Variants in HSD17B12 observed in about 807,000 individuals in gnomAD.
The protein encoded by HSD17B12 is very-long-chain 3-oxoacyl-CoA reductase.
A neutral mutation model predicts 39.3 loss-of-function variants in HSD17B12; 32 were observed. The ratio of observed to expected loss-of-function variants is 0.81; its 90% CI spans 0.61 to 1.09. The LOEUF is 1.09. HSD17B12 is among the 50% of genes least tolerant of loss of function. The pLI is 0.00. For missense variants in HSD17B12, 342 were observed against 382.9 expected, an observed-to-expected ratio of 0.89 and a Z score of 0.89; for synonymous variants, 150 against 146.7, an observed-to-expected ratio of 1.02 and a Z score of -0.16.
At chr11:43,828,067 A>C (rs1372952515) in intron 6 of HSD17B12, among the ~76,000 whole-genome samples, 2 of 151,870 alleles carry the variant, frequency 1.3e-5, no homozygotes, top group Non-Finnish European at 2.9e-5. Context: ...AAGAGGAAAC[A>C]CTTTCCCTGC....
At chr11:43,854,601 T>C (rs1421671270) in intron 9 of HSD17B12, 114 bp from the exon 10 acceptor site, 1 of 1,160,476 alleles carries the variant, frequency 8.6e-7, no homozygotes, top group Non-Finnish European at 1.2e-6. Flanking sequence ...CTTCTCTCTC[T>C]GTAAAGATAC....
the HSD17B12 span, among the ~76,000 whole-genome samples, chr11:43,565,423 T>C: frequency 4.6e-3 from 694 of 152,302 alleles, 6 homozygotes; most frequent in African/African-American, 0.015. Flanking sequence ...ATGTGAGCTA[T>C]ACAGCCTCTG....
chr11:43,794,738 C>T (rs1301595760), intron 3 of HSD17B12, among the ~76,000 whole-genome samples: 1 of 152,210 alleles, frequency 6.6e-6, no homozygotes, highest in East Asian at 1.9e-4. Flanking sequence ...ACAATTAGGG[C>T]AACATGAGTT....
rs1951306685 is a variant in HSD17B12 at position 43,831,182 on chromosome 11, G to A, written c.536+172G>A. On this transcript the variant is annotated intron_variant, in intron 7 of 10. Coordinates refer to ENST00000278353, the MANE Select transcript of HSD17B12 (RefSeq NM_016142.3). This position sits in a 1 kb window ranked among gnomAD's most constrained non-coding sequence, Gnocchi z 4.1. ...CAGTAGAGCATGAGTCATCGGTGGT[G>A]GAGGCCTTTTCCACTCGATTCCCTT... 2 of 477,586 alleles carry A rather than the reference G, an allele frequency of 4.2e-6. No homozygotes were observed. The highest frequency in any genetic ancestry group is 7.4e-6 in the Non-Finnish European group (2 of 271,036). 29.6% of individuals were successfully genotyped at this position (477,586 alleles called of 1,614,324 possible).
chr11:43,589,615 T>A, the HSD17B12 span, among the ~76,000 whole-genome samples: 1 of 152,210 alleles, frequency 6.6e-6, no homozygotes, highest in African/African-American at 2.4e-5. Flanking sequence ...TTCCACTTGG[T>A]GACTTTTCCT....
the HSD17B12 span, among the ~76,000 whole-genome samples, chr11:43,573,424 A>G: frequency 2.6e-5 from 4 of 152,158 alleles, no homozygotes; most frequent in African/African-American, 9.7e-5. Context: ...TACTGGAGCA[A>G]GACAGAAACA....
chr11:43,854,594 C>G (rs1226799658), intron 9 of HSD17B12, 121 bp from the exon 10 acceptor site: 19 of 1,081,538 alleles, frequency 1.8e-5, no homozygotes, highest in Non-Finnish European at 2.4e-5. Flanking sequence ...CTCTTTTCTT[C>G]TCTCTCTGTA....
At chr11:43,591,608 A>C in the HSD17B12 span, among the ~76,000 whole-genome samples, 3 of 152,172 alleles carry the variant, frequency 2.0e-5, no homozygotes, top group Non-Finnish European at 4.4e-5. Flanking sequence ...AAAAGAAGGA[A>C]AACCTGTTAA....
chr11:43,739,998 G>C (rs1950349772), intron 1 of HSD17B12, among the ~76,000 whole-genome samples: 1 of 152,214 alleles, frequency 6.6e-6, no homozygotes, highest in African/African-American at 2.4e-5. Flanking sequence ...GAATTGGAGA[G>C]GAGTAAGAAC....
chr11:43,645,260 A>G, the HSD17B12 span: 4 of 152,222 alleles, frequency 2.6e-5, no homozygotes, highest in Non-Finnish European at 5.9e-5. Context: ...TGTCTACACG[A>G]ATTGGACCTC....
intron 1 of HSD17B12, among the ~76,000 whole-genome samples, chr11:43,682,412 G>A (rs1322419663): frequency 1.3e-5 from 2 of 152,072 alleles, no homozygotes; most frequent in African/African-American, 4.8e-5. Flanking sequence ...TTAGCTGGGC[G>A]TGGTGGCGCG....
chr11:43,622,736 T>C, the HSD17B12 span, among the ~76,000 whole-genome samples: 2 of 152,140 alleles, frequency 1.3e-5, no homozygotes, highest in African/African-American at 4.8e-5. Flanking sequence ...ATTTTACTGG[T>C]TTATGCACTT....
Position 43,690,387 on chromosome 11 carries a change from TATATATATA to T in HSD17B12, c.160+9401_160+9409del, listed in dbSNP as rs1949846973. On this transcript the variant is annotated intron_variant, in intron 1 of 10. Transcript: ENST00000278353. ...ATATATATATATATATATATATATATATATATATATATATATATTTTTTTTTTTTTTTTT... is the reference window on the plus strand; with the variant it reads ...ATATATATATATATATATATATATATTATATATATTTTTTTTTTTTTTTTT... Among the ~76,000 whole-genome samples the T allele has an allele frequency of 2.1e-3, 41 of 19,290 alleles. 4 individuals carry two copies. Among genetic ancestry groups the T allele is most frequent in the East Asian group, 6.1e-3 (3 of 488 alleles). 12.7% of individuals were successfully genotyped at this position (19,290 alleles called of 152,430 possible).
chr11:43,672,291 C>A, the HSD17B12 span, among the ~76,000 whole-genome samples: 6 of 152,096 alleles, frequency 3.9e-5, no homozygotes, highest in African/African-American at 1.4e-4. Flanking sequence ...CCTCATGATC[C>A]GCCTGCCTCG....
At chr11:43,724,701 C>T (rs866324169) in intron 1 of HSD17B12, among the ~76,000 whole-genome samples, 1 of 152,106 alleles carries the variant, frequency 6.6e-6, no homozygotes, top group Non-Finnish European at 1.5e-5. Flanking sequence ...CCTCGTGATC[C>T]AACCATCCAC....
the HSD17B12 span, among the ~76,000 whole-genome samples, chr11:43,579,689 G>C: frequency 6.6e-6 from 1 of 152,096 alleles, no homozygotes; most frequent in South Asian, 2.1e-4. Context: ...GCAGACGCTC[G>C]GAGGGTGTGT....
chr11:43,766,284 C>T (rs61883802), intron 3 of HSD17B12, among the ~76,000 whole-genome samples: 5,781 of 152,232 alleles, frequency 0.038, 155 homozygotes, highest in Non-Finnish European at 0.054. Flanking sequence ...CTGAATTCCT[C>T]TTCTCCTCAT....
chr11:43,711,165 A>G (rs1950061766), intron 1 of HSD17B12, among the ~76,000 whole-genome samples: 1 of 152,170 alleles, frequency 6.6e-6, no homozygotes, highest in Admixed American at 6.5e-5. Flanking sequence ...ATTCCATTGA[A>G]TTTGTGGGAT....
Position 43,724,492 on chromosome 11 carries a change from G to A in HSD17B12, c.161-26419G>A, listed in dbSNP as rs150097422. ...AAATACCATAAACCAAGTGGCTTAC[G>A]AACAACAGAAATTTATTTCTCACAG... On this transcript the variant is annotated intron_variant, in intron 1 of 10. Coordinates refer to ENST00000278353, the MANE Select transcript of HSD17B12 (RefSeq NM_016142.3). 9.0e-3 allele frequency among the ~76,000 whole-genome samples: 1,373 copies of A among 152,136 alleles called. 10 individuals are homozygous for A. The highest frequency in any genetic ancestry group is 0.013 in the Non-Finnish European group (915 of 68,006).
Sources: allele counts gnomAD v4.1 joint callset (sites outside exome capture counted in the v4.1 genomes callset), GRCh38; gene constraint gnomAD v4.1.1; non-coding constraint Gnocchi (gnomAD v3.1); transcripts MANE v1.5; gene names NCBI Gene and HGNC (gene_info 2026-07-23, HGNC 2026-07-21).